CENPE: variants seen among roughly 807,000 people sequenced by gnomAD.
CENPE encodes centromere protein E, also known as centromere-associated protein E.
CENPE carries 145 observed loss-of-function variants against 336.1 expected under a neutral mutation model. That is an observed-to-expected ratio of 0.43 (90% CI 0.38 to 0.50). CENPE has a LOEUF of 0.50. Among genes scored for constraint, CENPE ranks in the 20% least tolerant of loss-of-function variants. The pLI is 0.00. For missense variants in CENPE, 2,719 were observed against 3,023.3 expected, an observed-to-expected ratio of 0.90 and a Z score of 2.36; for synonymous variants, 1,013 against 984.8, an observed-to-expected ratio of 1.03 and a Z score of -0.54.
chr4:103,152,789 G>T (rs1395341438), intron 25 of CENPE, among the ~76,000 whole-genome samples: 1 of 152,116 alleles, frequency 6.6e-6, no homozygotes, highest in Non-Finnish European at 1.5e-5. Flanking sequence ...AACATATCAG[G>T]ACTGATAATC....
intron 8 of CENPE, among the ~76,000 whole-genome samples, chr4:103,192,654 GTTTC>G (rs990217838): frequency 1.3e-5 from 2 of 152,196 alleles, no homozygotes; most frequent in African/African-American, 4.8e-5. Context: ...ATTGACTTAG[GTTTC>G]CAGCTTAGGC....
At chr4:103,195,324 G>T (rs1241494187) in intron 4 of CENPE, 91 bp from the exon 5 acceptor site, 8 of 1,132,136 alleles carry the variant, frequency 7.1e-6, no homozygotes, top group Non-Finnish European at 9.8e-6. Flanking sequence ...GAGGTAAAAT[G>T]TATGTAAAAC....
In CENPE at chr4:103,185,997, G is replaced by A. The variant is rs1560675195; in HGVS notation, c.694-136C>T. The A allele has an allele frequency of 1.5e-5, 8 of 523,710 alleles. 2 individuals are homozygous for A. In the South Asian group the frequency reaches 2.7e-4, roughly 17 times the overall value. The allele number at this position is 523,710 out of a possible 1,614,324, so 32.4% of individuals were successfully genotyped here. A position where few individuals can be genotyped will look rare whatever the true frequency, so the allele number is the denominator to read the frequency against. ...TCCATGTCTCCCATGCTACTGTTTA[G>A]GCATTCCCTTTTTTCTCTGAGTCAA... On this transcript the variant is annotated intron_variant, in intron 8 of 48. Coordinates refer to ENST00000265148, the MANE Select transcript of CENPE (RefSeq NM_001813.3).
intron 20 of CENPE, 78 bp downstream of exon 20, chr4:103,161,008 A>T (rs936749665): frequency 1.6e-6 from 2 of 1,236,296 alleles, no homozygotes; most frequent in African/African-American, 3.0e-5. Flanking sequence ...TAATCATTGA[A>T]ATATGCTTGT....
chr4:103,140,792 G>T, intron 36 of CENPE, 22 bp downstream of exon 36: 1 of 1,554,364 alleles, frequency 6.4e-7, no homozygotes, highest in East Asian at 2.2e-5. Context: ...TAATGGTAGG[G>T]TAAAGAGAGA....
chr4:103,197,095 T>G (rs539547307), intron 1 of CENPE, among the ~76,000 whole-genome samples: 2 of 152,344 alleles, frequency 1.3e-5, no homozygotes, highest in African/African-American at 4.8e-5. Flanking sequence ...AACAAAGGGA[T>G]GGATTCAAAA....
Position 103,194,433 on chromosome 4 carries a change from G to A in CENPE, c.568C>T (p.His190Tyr). ...KWITKGEKSRHYGETKMNQRS... is the reference protein window; with the variant it reads ...KWITKGEKSRYYGETKMNQRS... ...TGATTCATTTTTGTTTCTCCATAAT[G>A]CCTGCTCTCTGTAAAAATGAGTTAT... is the stretch of plus-strand genomic sequence containing the variant. The change falls in exon 7 of 49, where the codon CAT (histidine) becomes TAT (tyrosine). Residue 190 changes from histidine (H) to tyrosine (Y), a missense_variant. Coordinates refer to ENST00000265148, the MANE Select transcript of CENPE (RefSeq NM_001813.3). 1 of 1,605,500 alleles carries A rather than the reference G, an allele frequency of 6.2e-7. No individual in the cohort carries two copies. Among genetic ancestry groups the A allele is most frequent in the Non-Finnish European group, 8.5e-7 (1 of 1,174,866 alleles).
Position 103,147,637 on chromosome 4 carries a change from G to A in CENPE, c.3853C>T (p.Leu1285Phe). The change falls in exon 29 of 49, where the codon CTT (leucine) becomes TTT (phenylalanine). Residue 1285 changes from leucine to phenylalanine, a missense_variant. Physicochemically the swap from Leu to Phe is conservative, Grantham distance 22. Coordinates refer to ENST00000265148, the MANE Select transcript of CENPE (RefSeq NM_001813.3). ...HTKLQEEIPVLHEEQELLPNV... is the reference protein window; with the variant it reads ...HTKLQEEIPVFHEEQELLPNV... Reference sequence around the variant, plus strand: ...GGCAGTAACTCTTGTTCCTCATGAAGCACTGGGATCTTAGGACATTCATAA... The same window carrying A: ...GGCAGTAACTCTTGTTCCTCATGAAACACTGGGATCTTAGGACATTCATAA... 1 of 1,610,094 alleles carries A rather than the reference G, an allele frequency of 6.2e-7. No individual in the cohort carries two copies. The highest frequency in any genetic ancestry group is 1.3e-5 in the African/African-American group (1 of 74,906).
Position 103,132,960 on chromosome 4 carries a change from TTATATATA to T in CENPE, c.6721-72_6721-65del, listed in dbSNP as rs56951110. Reference sequence around the variant, plus strand: ...GAAAGTTTTGATCCAAATATTTTATTTATATATATATATATATATATATAAAATAAAAA... The same window carrying T: ...GAAAGTTTTGATCCAAATATTTTATTTATATATATATATATAAAATAAAAA... On this transcript the variant is annotated intron_variant, in intron 41 of 48. Transcript: ENST00000265148. The T allele has an allele frequency of 1.8e-4, 26 of 148,212 alleles. 1 individual carries two copies. Among genetic ancestry groups the T allele is most frequent in the East Asian group, 9.8e-4 (7 of 7,148 alleles). 9.2% of individuals were successfully genotyped at this position (148,212 alleles called of 1,614,324 possible).
intron 18 of CENPE, among the ~76,000 whole-genome samples, chr4:103,162,147 G>A (rs1754501432): frequency 6.6e-6 from 1 of 152,046 alleles, no homozygotes; most frequent in African/African-American, 2.4e-5. Context: ...TTCCTATCCA[G>A]GGCCTCAGAA....
At chr4:103,142,507 G>A (rs559267244) in intron 34 of CENPE, among the ~76,000 whole-genome samples, 1 of 152,208 alleles carries the variant, frequency 6.6e-6, no homozygotes, top group East Asian at 1.9e-4. Flanking sequence ...TCCCTAAGTT[G>A]GTCTTGCTCC....
At chr4:103,186,233 C>A (rs541492705) in intron 8 of CENPE, among the ~76,000 whole-genome samples, 2 of 152,314 alleles carry the variant, frequency 1.3e-5, no homozygotes, top group East Asian at 3.9e-4. Flanking sequence ...TACTTCTACA[C>A]CTCCAAGCAC....
intron 1 of CENPE, among the ~76,000 whole-genome samples, chr4:103,197,982 A>T (rs1197288564): frequency 6.6e-6 from 1 of 152,248 alleles, no homozygotes; most frequent in Non-Finnish European, 1.5e-5. Context: ...GGAATGGGGC[A>T]GGGAGGAGCA....
At chr4:103,113,536 T>C (rs1185524126) in intron 46 of CENPE, among the ~76,000 whole-genome samples, 4 of 140,586 alleles carry the variant, frequency 2.8e-5, no homozygotes, top group African/African-American at 1.1e-4. Flanking sequence ...ATATAATATA[T>C]AACTTATATA....
chr4:103,141,835 A>G lies in CENPE; in HGVS notation c.5378T>C (p.Leu1793Pro). The G allele has an allele frequency of 3.8e-6, 6 of 1,595,578 alleles. No individual in the cohort carries two copies. Among genetic ancestry groups the G allele is most frequent in the Non-Finnish European group, 5.1e-6 (6 of 1,165,968 alleles). Residue 1793 changes from leucine to proline, a missense_variant, in exon 35 of 49, where the codon CTC (leucine) becomes CCC (proline). Leu to Pro is a moderately conservative substitution (Grantham distance 98, BLOSUM62 -3). Transcript: ENST00000265148. ...LKEQQETIDK[L>P]RGIVSEKTDK... is the part of the protein sequence containing the mutation. ...TGTCTTCTCAGAAACAATTCCTCTG[A>G]GTTTGTCAATAGTTTCCTGCTGCTC...
intron 41 of CENPE, 71 bp from the exon 42 acceptor site, chr4:103,132,967 T>TAC: frequency 5.4e-6 from 1 of 184,592 alleles, no homozygotes; most frequent in South Asian, 2.0e-4. Context: ...TATTTATATA[T>TAC]ATATATATAT....
Position 103,114,481 on chromosome 4 carries a change from C to T in CENPE, c.7514G>A (p.Arg2505Lys), listed in dbSNP as rs1395167430. ...TGAGGTATCTTGGGCCTGTTGACTT[C>T]TTCTGAGATTTTCTCTCAATAGCCT... ...VIRLLRENLR[R>K]SQQAQDTSVI... The change falls in exon 46 of 49, where the codon AGA (arginine) becomes AAA (lysine). Residue 2505 changes from arginine (R) to lysine (K), a missense_variant. Coordinates refer to ENST00000265148, the MANE Select transcript of CENPE (RefSeq NM_001813.3). 1 of 1,611,218 alleles carries T rather than the reference C, an allele frequency of 6.2e-7. No individual in the cohort carries two copies. The highest frequency in any genetic ancestry group is 2.2e-5 in the East Asian group (1 of 44,852).
chr4:103,113,527 T>A (rs1173946010), intron 46 of CENPE, among the ~76,000 whole-genome samples: 1 of 140,066 alleles, frequency 7.1e-6, no homozygotes, highest in Non-Finnish European at 1.5e-5. Flanking sequence ...ATATATTATA[T>A]ATAATATATA....
chr4:103,139,514 T>C (rs906367515), intron 38 of CENPE, among the ~76,000 whole-genome samples: 9 of 152,106 alleles, frequency 5.9e-5, no homozygotes, highest in African/African-American at 2.2e-4. Context: ...AATAATGCTA[T>C]CTCTTGATTA....
Sources: allele counts gnomAD v4.1 joint callset (sites outside exome capture counted in the v4.1 genomes callset), GRCh38; gene constraint gnomAD v4.1.1; transcripts MANE v1.5; gene names NCBI Gene and HGNC (gene_info 2026-07-23, HGNC 2026-07-21).